Variants in DPYD observed in about 807,000 individuals in gnomAD.
DPYD encodes the protein dihydropyrimidine dehydrogenase [NADP(+)].
A neutral mutation model predicts 116.2 loss-of-function variants in DPYD; 109 were observed. The ratio of observed to expected loss-of-function variants is 0.94; its 90% CI spans 0.80 to 1.10. The LOEUF (loss-of-function observed/expected upper bound fraction) is 1.10, where lower values mean the gene tolerates loss of function less well. DPYD is among the 50% of genes least tolerant of loss of function. The pLI is 0.00. For missense variants in DPYD, 1,302 were observed against 1,254.5 expected, an observed-to-expected ratio of 1.04 and a Z score of -0.57; for synonymous variants, 440 against 432.0, an observed-to-expected ratio of 1.02 and a Z score of -0.23.
At chr1:97,315,225 A>G (rs1667749884) in intron 16 of DPYD, among the ~76,000 whole-genome samples, 1 of 151,928 alleles carries the variant, frequency 6.6e-6, no homozygotes, top group African/African-American at 2.4e-5. Context: ...GAGTGTGGTG[A>G]GCTGACTGCC....
intron 5 of DPYD, among the ~76,000 whole-genome samples, chr1:97,717,241 G>A (rs1337672623): frequency 2.0e-5 from 3 of 151,910 alleles, no homozygotes; most frequent in Admixed American, 6.6e-5. Context: ...ATGCTGATAC[G>A]ACAAGGATTG....
At chr1:97,380,276 C>T (rs1410136328) in intron 15 of DPYD, among the ~76,000 whole-genome samples, 1 of 152,164 alleles carries the variant, frequency 6.6e-6, no homozygotes, top group Non-Finnish European at 1.5e-5. Flanking sequence ...CATAAATCTT[C>T]TTTTGCATAG....
intron 4 of DPYD, among the ~76,000 whole-genome samples, chr1:97,727,273 T>G (rs1249944460): frequency 6.6e-6 from 1 of 151,686 alleles, no homozygotes; most frequent in East Asian, 1.9e-4. Context: ...TTGATTGATA[T>G]GAGTAAATAT....
chr1:97,740,485 A>C lies in DPYD; in HGVS notation c.234-6T>G, dbSNP rs1664202363. On this transcript the variant is annotated splice_polypyrimidine_tract_variant and splice_region_variant and intron_variant, in intron 3 of 22. Transcript: ENST00000370192. ...CATCTGCACATTTCAGGCATCTAGG[A>C]AATAAAATAACTATGTTAAGAAACT... 1.2e-6 allele frequency: 2 copies of C among 1,610,088 alleles called. No homozygotes were observed. Among genetic ancestry groups the C allele is most frequent in the Non-Finnish European group, 1.7e-6 (2 of 1,177,262 alleles).
At position 97,515,733 on chromosome 1, in the gene DPYD, A is replaced by G. The variant is rs778754188; in HGVS notation, c.1733T>C (p.Leu578Pro). The G allele has an allele frequency of 5.0e-6, 8 of 1,612,430 alleles. No individual in the cohort carries two copies. The South Asian group carries it at 6.6e-5, about 13-fold the overall frequency. Residue 578 changes from leucine (L) to proline (P), a missense_variant, in exon 13 of 23, where the codon CTT becomes CCT. Transcript: ENST00000370192. ...TCAATAATATTTTCTTACCTTATCA[A>G]GAGAGAAAGTTTTGGTGAGGGCAAA... ...WGFALTKTFS[L>P]DKDIVTNVSP... is the part of the protein sequence containing the mutation.
Position 97,306,226 on chromosome 1 carries a change from C to A in DPYD, c.2130G>T (p.Leu710=), listed in dbSNP as rs1253066200. ...TCACAATATCAGTGACATTTGGGGT[C>A]AGCTTGGCAAAAAAAGGAATCTGAA... ...QAVQIPFFAK[L]TPNVTDIVSI... is the part of the protein sequence containing the mutation. Residue 710 remains leucine, a synonymous_variant, in exon 17 of 23, where the codon CTG becomes CTT. Transcript: ENST00000370192. The A allele has an allele frequency of 6.2e-7, 1 of 1,612,538 alleles. No homozygotes were observed. Among genetic ancestry groups the A allele is most frequent in the Non-Finnish European group, 8.5e-7 (1 of 1,178,964 alleles).
intron 21 of DPYD, among the ~76,000 whole-genome samples, chr1:97,094,932 C>T (rs1650139141): frequency 6.6e-6 from 1 of 152,046 alleles, no homozygotes; most frequent in Non-Finnish European, 1.5e-5. Flanking sequence ...TCTCAAGGCC[C>T]ACCTTCCCCT....
chr1:97,409,279 C>T (rs1377029400), intron 14 of DPYD, among the ~76,000 whole-genome samples: 2 of 152,072 alleles, frequency 1.3e-5, no homozygotes, highest in Admixed American at 6.6e-5. Flanking sequence ...TAGCTCTTTG[C>T]TCTCATTAAC....
At chr1:97,871,641 A>T (rs751070176) in intron 2 of DPYD, among the ~76,000 whole-genome samples, 1 of 151,586 alleles carries the variant, frequency 6.6e-6, no homozygotes, top group Non-Finnish European at 1.5e-5. Context: ...CAAATATAAG[A>T]CAGTGCTCAA....
chr1:97,161,566 T>A (rs1270926357), intron 20 of DPYD, among the ~76,000 whole-genome samples: 1 of 152,112 alleles, frequency 6.6e-6, no homozygotes, highest in Admixed American at 6.6e-5. Flanking sequence ...TTTTTAAATT[T>A]AATTTAATTT....
chr1:97,731,367 C>A (rs1453883046), intron 4 of DPYD, among the ~76,000 whole-genome samples: 3 of 151,824 alleles, frequency 2.0e-5, no homozygotes, highest in Non-Finnish European at 2.9e-5. Context: ...TAATTAGTAT[C>A]GATTCTAATA....
chr1:97,766,202 T>C (rs913301893), intron 3 of DPYD, among the ~76,000 whole-genome samples: 3 of 151,918 alleles, frequency 2.0e-5, no homozygotes, highest in Non-Finnish European at 2.9e-5. Flanking sequence ...GATTGCGCCA[T>C]TGCACTCCAG....
At chr1:97,515,704 G>A in intron 13 of DPYD, 22 bp downstream of exon 13, 1 of 1,598,346 alleles carries the variant, frequency 6.3e-7, no homozygotes, top group Non-Finnish European at 8.6e-7. Context: ...ATTTCTATAT[G>A]ACTTCAATAA....
intron 16 of DPYD, among the ~76,000 whole-genome samples, chr1:97,331,601 T>C (rs1009002605): frequency 3.3e-5 from 5 of 152,030 alleles, no homozygotes; most frequent in Non-Finnish European, 4.4e-5. Flanking sequence ...GGTAATGAGA[T>C]TTTCTTCACA....
intron 20 of DPYD, among the ~76,000 whole-genome samples, chr1:97,146,285 T>C (rs1489712204): frequency 6.6e-6 from 1 of 152,148 alleles, no homozygotes; most frequent in African/African-American, 2.4e-5. Flanking sequence ...AAATGGTCCT[T>C]AGGGAGAGTG....
intron 7 of DPYD, among the ~76,000 whole-genome samples, chr1:97,689,578 T>C (rs1413718840): frequency 6.6e-6 from 1 of 152,078 alleles, no homozygotes; most frequent in African/African-American, 2.4e-5. Context: ...CATCATATGC[T>C]ACACGGGAGT....
intron 20 of DPYD, among the ~76,000 whole-genome samples, chr1:97,119,489 G>C (rs894860953): frequency 6.6e-6 from 1 of 152,154 alleles, no homozygotes; most frequent in Non-Finnish European, 1.5e-5. Flanking sequence ...AGGAGAGGGA[G>C]TGTCAGGCTA....
At chr1:97,737,967 T>C (rs1296049906) in intron 4 of DPYD, among the ~76,000 whole-genome samples, 1 of 152,164 alleles carries the variant, frequency 6.6e-6, no homozygotes, top group African/African-American at 2.4e-5. Flanking sequence ...CTGTAACACA[T>C]AGTATACATT....
At chr1:97,828,648 A>C (rs1669371887) in intron 2 of DPYD, among the ~76,000 whole-genome samples, 1 of 151,950 alleles carries the variant, frequency 6.6e-6, no homozygotes, top group Non-Finnish European at 1.5e-5. Context: ...ATTGACTAAG[A>C]TGAAGGGATA....
Sources: allele counts gnomAD v4.1 joint callset (sites outside exome capture counted in the v4.1 genomes callset), GRCh38; gene constraint gnomAD v4.1.1; transcripts MANE v1.5; gene names NCBI Gene and HGNC (gene_info 2026-07-23, HGNC 2026-07-21).